UGT1A6: variants seen among roughly 807,000 people sequenced by gnomAD.
UGT1A6 encodes the protein UDP glucuronosyltransferase family 1 member A6.
A neutral mutation model predicts 44.4 loss-of-function variants in UGT1A6; 32 were observed. The ratio of observed to expected loss-of-function variants is 0.72; its 90% CI spans 0.54 to 0.97. The LOEUF (loss-of-function observed/expected upper bound fraction) is 0.97. UGT1A6 is among the 50% of genes least tolerant of loss of function. The pLI is 0.00. For missense variants in UGT1A6, 685 were observed against 661.9 expected, an observed-to-expected ratio of 1.03 and a Z score of -0.38; for synonymous variants, 238 against 248.5, an observed-to-expected ratio of 0.96 and a Z score of 0.40.
At chr2:233,770,794 T>A (rs1195503821) in intron 4 of UGT1A6, 2 of 152,196 alleles carry the variant, frequency 1.3e-5, no homozygotes, top group Non-Finnish European at 2.9e-5. Flanking sequence ...ATTATAGATA[T>A]GTTTAAAGAC....
rs999481021 is a variant in UGT1A6, at chr2:233,751,049, A to G, written c.862-15985A>G. On this transcript the variant is annotated intron_variant, in intron 1 of 4. Transcript: ENST00000305139. The stretch of plus-strand genomic sequence containing the variant: ...ATAGCTTGCACTGTGTGCCTGGAAA[A>G]GACACAGACACTCAATGCCAGCCTC... Among the ~76,000 whole-genome samples, 4 of 151,908 alleles carry G rather than the reference A, an allele frequency of 2.6e-5. 1 individual carries two copies. The highest frequency in any genetic ancestry group is 9.7e-5 in the African/African-American group (4 of 41,164).
intron 1 of UGT1A6, chr2:233,729,441 T>C: frequency 3.1e-6 from 5 of 1,613,982 alleles, no homozygotes; most frequent in Non-Finnish European, 4.2e-6. Flanking sequence ...AAACAGAACA[T>C]TTTCTGAAGA....
chr2:233,701,851 A>G (rs2075655797), intron 1 of UGT1A6, among the ~76,000 whole-genome samples: 1 of 152,220 alleles, frequency 6.6e-6, no homozygotes, highest in Non-Finnish European at 1.5e-5. Context: ...AGCAGTGTGT[A>G]GAGGGAAATT....
intron 1 of UGT1A6, chr2:233,760,580 A>T (rs1277566287): frequency 6.2e-7 from 1 of 1,614,094 alleles, no homozygotes; most frequent in African/African-American, 1.3e-5. Flanking sequence ...CTCGGGCATA[A>T]TGTTTTTGAG....
Position 233,761,080 on chromosome 2 carries a change from C to T in UGT1A6, c.862-5954C>T, listed in dbSNP as rs760907397. On this transcript the variant is annotated intron_variant, in intron 1 of 4. Transcript: ENST00000305139. ...TAGAAGTGACTTTGTGAAGGATTAC[C>T]CTAGGCCCATCATGCCCAATATGGT... The T allele has an allele frequency of 5.0e-6, 8 of 1,614,034 alleles. No individual in the cohort carries two copies. The highest frequency in any genetic ancestry group is 1.3e-5 in the African/African-American group (1 of 74,910).
At chr2:233,700,322 C>T (rs1432582141) in intron 1 of UGT1A6, among the ~76,000 whole-genome samples, 1 of 152,230 alleles carries the variant, frequency 6.6e-6, no homozygotes, top group Non-Finnish European at 1.5e-5. Context: ...CTTTAAAATT[C>T]TGCCTCTCTT....
At chr2:233,754,510 C>T in intron 1 of UGT1A6, 1 of 361,188 alleles carries the variant, frequency 2.8e-6, no homozygotes. Flanking sequence ...GCTATTCCTC[C>T]AGATGTGCTT....
rs1478087363 is a variant in UGT1A6 at position 233,769,799 on chromosome 2, G to A, written c.1301+1360G>A. 4.2e-6 allele frequency: 5 copies of A among 1,197,998 alleles called. No individual in the cohort carries two copies. Among genetic ancestry groups the A allele is most frequent in the Admixed American group, 5.9e-5 (2 of 34,170 alleles). 74.2% of individuals were successfully genotyped at this position (1,197,998 alleles called of 1,614,324 possible). A position where few individuals can be genotyped will look rare whatever the true frequency, so the allele number is the denominator to read the frequency against. ...GAGCCCAGAAGTTGGAGGCTGCTAT[G>A]AGCCGTGATCATGCCACTGCACTCC... On this transcript the variant is annotated intron_variant, in intron 4 of 4. Transcript: ENST00000305139. This position sits in a 1 kb window ranked among gnomAD's most constrained non-coding sequence, Gnocchi z 4.4.
At position 233,743,541 on chromosome 2, in the gene UGT1A6, A is replaced by AC. The variant is rs544018510; in HGVS notation, c.862-23486dup. On this transcript the variant is annotated intron_variant, in intron 1 of 4. Coordinates refer to ENST00000305139, the MANE Select transcript of UGT1A6 (RefSeq NM_001072.4). ...TTCTGCTTCCCCAGCAGTTCCTCTG[A>AC]CCCCCCCAAAATATTCTCCAGCGGG... 1.1e-3 allele frequency: 1,461 copies of AC among 1,366,810 alleles called. 41 individuals carry two copies. The African/African-American group carries it at 0.017, about 16-fold the overall frequency. The allele number at this position is 1,366,810 out of a possible 1,614,324, so 84.7% of individuals were successfully genotyped here. A position where few individuals can be genotyped will look rare whatever the true frequency, so the allele number is the denominator to read the frequency against.
Position 233,697,037 on chromosome 2 carries a change from CT to C in UGT1A6, c.861+3181del, listed in dbSNP as rs533697413. Among the ~76,000 whole-genome samples, 153 of 150,928 alleles carry C rather than the reference CT, an allele frequency of 1.0e-3. 1 individual carries two copies. The Middle Eastern group carries it at 0.034, about 34-fold the overall frequency. On this transcript the variant is annotated intron_variant, in intron 1 of 4. Transcript: ENST00000305139. ...GTCAGAGATATGGGCCCGCAGTTTTCTTTTTTTTTGTTGTGTCCTTGTCTGG... is the reference window on the plus strand; with the variant it reads ...GTCAGAGATATGGGCCCGCAGTTTTCTTTTTTTTGTTGTGTCCTTGTCTGG...
chr2:233,739,341 C>T (rs1254802049), intron 1 of UGT1A6, among the ~76,000 whole-genome samples: 1 of 152,148 alleles, frequency 6.6e-6, no homozygotes, highest in Non-Finnish European at 1.5e-5. Flanking sequence ...TCCTTCAGAA[C>T]CCAGAAGGGC....
intron 1 of UGT1A6, among the ~76,000 whole-genome samples, chr2:233,695,276 C>T (rs1302622069): frequency 1.3e-5 from 2 of 151,994 alleles, no homozygotes; most frequent in Admixed American, 1.3e-4. Context: ...TAGGCATGTG[C>T]CACCATTCCC....
At chr2:233,691,739 T>G (rs1209957250), upstream of UGT1A6, 4 of 680,470 alleles carry the variant, frequency 5.9e-6, no homozygotes, top group East Asian at 4.0e-4. Flanking sequence ...CAGAAGCAGA[T>G]ACCAGGCTTT....
intron 1 of UGT1A6, chr2:233,742,900 A>G (rs1289893685): frequency 6.0e-6 from 1 of 165,412 alleles, no homozygotes; most frequent in Non-Finnish European, 1.3e-5. Flanking sequence ...CAACGGAAAA[A>G]GGTAATGCTC....
intron 1 of UGT1A6, among the ~76,000 whole-genome samples, chr2:233,758,359 C>A (rs1696853264): frequency 6.6e-6 from 1 of 152,198 alleles, no homozygotes; most frequent in Non-Finnish European, 1.5e-5. Flanking sequence ...GCAGGAAAGT[C>A]ATAAAATCAT....
chr2:233,760,568 G>A (rs1252353903), intron 1 of UGT1A6: 1 of 1,614,246 alleles, frequency 6.2e-7, no homozygotes, highest in Non-Finnish European at 8.5e-7. Context: ...TCTTTTGTTA[G>A]TCTCGGGCAT....
In UGT1A6 at chr2:233,719,145, A is replaced by G. The variant is rs539093785; in HGVS notation, c.861+25280A>G. On this transcript the variant is annotated intron_variant, in intron 1 of 4. Transcript: ENST00000305139. ...CTTTGAAACAGAACATCTTCTGAAG[A>G]GATATTCTAGAAGTATGGCAATTAT... The G allele has an allele frequency of 3.7e-5, 59 of 1,614,252 alleles. No homozygotes were observed. In the East Asian group the frequency reaches 9.8e-4, roughly 27 times the overall value.
intron 1 of UGT1A6, chr2:233,729,619 C>A: frequency 6.2e-7 from 1 of 1,613,978 alleles, no homozygotes; most frequent in Non-Finnish European, 8.5e-7. Context: ...GGCTAAGTAC[C>A]TGTCGATTCC....
chr2:233,760,180 T>A, intron 1 of UGT1A6: 1 of 1,548,272 alleles, frequency 6.5e-7, no homozygotes, highest in Non-Finnish European at 8.7e-7. Context: ...GACAGCTTTT[T>A]ATAGTCACGT....
Sources: allele counts gnomAD v4.1 joint callset (sites outside exome capture counted in the v4.1 genomes callset), GRCh38; gene constraint gnomAD v4.1.1; non-coding constraint Gnocchi (gnomAD v3.1); transcripts MANE v1.5; gene names NCBI Gene and HGNC (gene_info 2026-07-23, HGNC 2026-07-21).